The following ADRA1B variants were observed in gnomAD, a reference collection of about 807,000 sequenced individuals.
ADRA1B encodes adrenoceptor alpha 1B.
In ADRA1B, 17 loss-of-function variants were observed where a neutral mutation model predicts 17.9. The ratio of observed to expected loss-of-function variants is 0.95; its 90% CI spans 0.65 to 1.42. ADRA1B has a LOEUF of 1.42. ADRA1B is among the 40% of genes most tolerant of loss of function. ADRA1B has a pLI of 0.00. For missense variants in ADRA1B, 681 were observed against 722.1 expected, an observed-to-expected ratio of 0.94 and a Z score of 0.65; for synonymous variants, 366 against 327.6, an observed-to-expected ratio of 1.12 and a Z score of -1.27.
chr5:159,867,412 A>G (rs1316964397), intron 1 of ADRA1B, among the ~76,000 whole-genome samples: 1 of 152,092 alleles, frequency 6.6e-6, no homozygotes, highest in African/African-American at 2.4e-5. Flanking sequence ...AGTTCTGGGG[A>G]GTGATTATAT....
At chr5:159,982,499 A>G in the ADRA1B span, among the ~76,000 whole-genome samples, 1 of 152,158 alleles carries the variant, frequency 6.6e-6, no homozygotes. Flanking sequence ...CAACACATCA[A>G]TGAGGTAGAC....
At chr5:159,966,365 CAG>C (rs1257926691) in intron 1 of ADRA1B, among the ~76,000 whole-genome samples, 15 of 152,166 alleles carry the variant, frequency 9.9e-5, no homozygotes, top group Non-Finnish European at 1.5e-5. Context: ...TCACAACAAT[CAG>C]AGAGGTCAGT....
chr5:159,927,381 G>GCGCACACACACACACACACA (rs372694181), intron 1 of ADRA1B, among the ~76,000 whole-genome samples: 1 of 140,636 alleles, frequency 7.1e-6, no homozygotes, highest in African/African-American at 2.7e-5. Context: ...ATTAAAACAT[G>GCGCACACACACACACACACA]CACACACACA....
chr5:159,963,306 A>ATATATATATATATATATATATATCTATC (rs1561610064), intron 1 of ADRA1B, among the ~76,000 whole-genome samples: 1 of 150,080 alleles, frequency 6.7e-6, no homozygotes, highest in African/African-American at 2.5e-5. Flanking sequence ...ATATATATAT[A>ATATATATATATATATATATATATCTATC]TATCCACACA....
At chr5:159,892,599 C>T (rs1009844301) in intron 1 of ADRA1B, among the ~76,000 whole-genome samples, 4 of 152,136 alleles carry the variant, frequency 2.6e-5, no homozygotes, top group Non-Finnish European at 5.9e-5. Flanking sequence ...GCTTTCTGTT[C>T]CTGTGTTTGT....
At chr5:159,911,650 G>C (rs1347641175), upstream of ADRA1B, among the ~76,000 whole-genome samples, 1 of 152,180 alleles carries the variant, frequency 6.6e-6, no homozygotes, top group Non-Finnish European at 1.5e-5. Flanking sequence ...AATTACCAGA[G>C]AGAAAACAGT....
At chr5:159,951,465 C>A in intron 1 of ADRA1B, 1 of 725,572 alleles carries the variant, frequency 1.4e-6, no homozygotes, top group South Asian at 1.4e-5. Context: ...CCAATACATC[C>A]AAATCCGTTG....
At chr5:159,876,565 C>T (rs1171489857) in intron 1 of ADRA1B, among the ~76,000 whole-genome samples, 4 of 152,212 alleles carry the variant, frequency 2.6e-5, no homozygotes, top group Non-Finnish European at 5.9e-5. Flanking sequence ...AAACATGGCT[C>T]ATTCCCTAGA....
chr5:159,868,483 A>G (rs1323309808), intron 1 of ADRA1B: 2 of 152,250 alleles, frequency 1.3e-5, no homozygotes, highest in African/African-American at 4.8e-5. Context: ...ATTGAGAATC[A>G]GTGTTGAAAA....
chr5:159,951,568 G>T (rs971225383), intron 1 of ADRA1B: 3 of 515,674 alleles, frequency 5.8e-6, no homozygotes, highest in Non-Finnish European at 1.1e-5. Flanking sequence ...GGAGCAGAGA[G>T]CCCCTAGTGG....
rs557323832 is a variant in ADRA1B, at chr5:159,968,358, A to G, written c.950-3521A>G. On this transcript the variant is annotated intron_variant, in intron 1 of 1. Transcript: ENST00000306675. ...TGAATCTTAGCTATTAGCATTATTGATATTTTTGTAACCTTTAAAAGAGCC... is the reference window on the plus strand; with the variant it reads ...TGAATCTTAGCTATTAGCATTATTGGTATTTTTGTAACCTTTAAAAGAGCC... Among the ~76,000 whole-genome samples, 131 of 152,324 alleles carry G rather than the reference A, an allele frequency of 8.6e-4. 1 individual carries two copies. Among genetic ancestry groups the G allele is most frequent in the African/African-American group, 3.1e-3 (127 of 41,570 alleles).
chr5:159,932,646 C>T (rs1754846735), intron 1 of ADRA1B, among the ~76,000 whole-genome samples: 1 of 152,132 alleles, frequency 6.6e-6, no homozygotes, highest in East Asian at 1.9e-4. Context: ...TCATCCAATT[C>T]CCCTCCATGG....
chr5:159,919,360 G>A (rs1754415085), intron 1 of ADRA1B, among the ~76,000 whole-genome samples: 2 of 152,132 alleles, frequency 1.3e-5, no homozygotes, highest in Non-Finnish European at 1.5e-5. Flanking sequence ...CACTGCATTG[G>A]GTCATTACAA....
downstream of ADRA1B, among the ~76,000 whole-genome samples, chr5:159,974,908 G>C (rs1755948712): frequency 6.6e-6 from 1 of 152,176 alleles, no homozygotes; most frequent in Non-Finnish European, 1.5e-5. Context: ...CACCAAAGCT[G>C]TAGAACCCAG....
chr5:159,953,475 T>C (rs1295345935), intron 1 of ADRA1B, among the ~76,000 whole-genome samples: 1 of 152,134 alleles, frequency 6.6e-6, no homozygotes, highest in Admixed American at 6.6e-5. Flanking sequence ...CCCATCTTCT[T>C]CTAGACACCC....
chr5:159,982,827 C>T, the ADRA1B span, among the ~76,000 whole-genome samples: 1 of 152,166 alleles, frequency 6.6e-6, no homozygotes, highest in Non-Finnish European at 1.5e-5. Context: ...AGCCTGCTAC[C>T]TGATTGAATC....
At chr5:159,943,977 ATTC>A (rs1247804229) in intron 1 of ADRA1B, among the ~76,000 whole-genome samples, 2 of 151,266 alleles carry the variant, frequency 1.3e-5, no homozygotes, top group Admixed American at 1.3e-4. Context: ...CCCCAGTTTT[ATTC>A]TTCTTGGTTC....
At chr5:159,943,201 G>C (rs530059043) in intron 1 of ADRA1B, among the ~76,000 whole-genome samples, 3 of 147,980 alleles carry the variant, frequency 2.0e-5, no homozygotes, top group Non-Finnish European at 4.5e-5. Flanking sequence ...GACAGAGCAA[G>C]ACTCTGTCTC....
At chr5:159,911,658 A>T (rs1304580487), upstream of ADRA1B, among the ~76,000 whole-genome samples, 2 of 152,192 alleles carry the variant, frequency 1.3e-5, no homozygotes, top group African/African-American at 4.8e-5. Context: ...GAGAGAAAAC[A>T]GTCCTACCCA....
Sources: allele counts gnomAD v4.1 joint callset (sites outside exome capture counted in the v4.1 genomes callset), GRCh38; gene constraint gnomAD v4.1.1; transcripts MANE v1.5; gene names NCBI Gene and HGNC (gene_info 2026-07-23, HGNC 2026-07-21).